Variants in ADAM12 observed in about 807,000 individuals in gnomAD.
The protein encoded by ADAM12 is disintegrin and metalloproteinase domain-containing protein 12.
Under a neutral mutation model 106.4 loss-of-function variants are expected in ADAM12, and 70 were observed. That is an observed-to-expected ratio of 0.66 (90% CI 0.54 to 0.80). The LOEUF is 0.80. Among genes scored for constraint, ADAM12 ranks in the 30% least tolerant of loss-of-function variants. The pLI is 0.00. For synonymous variants in ADAM12, 420 were observed against 433.5 expected, an observed-to-expected ratio of 0.97 and a Z score of 0.39; for missense variants, 1,010 against 1,171.9, an observed-to-expected ratio of 0.86 and a Z score of 2.02.
In ADAM12 at chr10:126,117,696, C is replaced by T. The variant is rs544049327; in HGVS notation, c.603+342G>A. Among the ~76,000 whole-genome samples, 7 of 135,406 alleles carry T rather than the reference C, an allele frequency of 5.2e-5. No homozygotes were observed. In the South Asian group the frequency reaches 1.6e-3, roughly 30 times the overall value. The allele number at this position is 135,406 out of a possible 152,430, so 88.8% of individuals were successfully genotyped here. On this transcript the variant is annotated intron_variant, in intron 6 of 22. Transcript: ENST00000448723. Reference sequence around the variant, plus strand: ...GTCATGGTGGCGCCCAACCCTGGGCCTAGGACCATAGTAGGGTCTCTTGGG... The same window carrying T: ...GTCATGGTGGCGCCCAACCCTGGGCTTAGGACCATAGTAGGGTCTCTTGGG...
chr10:126,072,443 T>C (rs1368520070), intron 11 of ADAM12, among the ~76,000 whole-genome samples: 2 of 152,146 alleles, frequency 1.3e-5, no homozygotes, highest in African/African-American at 4.8e-5. Flanking sequence ...TTTTGGCTGA[T>C]GGTATTTAAG....
chr10:126,074,810 T>A (rs577064834), intron 11 of ADAM12, among the ~76,000 whole-genome samples: 1 of 152,346 alleles, frequency 6.6e-6, no homozygotes, highest in African/African-American at 2.4e-5. Flanking sequence ...CCTCCTCAGA[T>A]GCGAAATGAG....
chr10:126,131,127 T>TA (rs1305734352), intron 5 of ADAM12, among the ~76,000 whole-genome samples: 1 of 73,702 alleles, frequency 1.4e-5, no homozygotes, highest in African/African-American at 5.5e-5. Context: ...TTTTTTTTTT[T>TA]TTTTTTGGCA....
chr10:126,091,464 C>T (rs1955463577), intron 11 of ADAM12, among the ~76,000 whole-genome samples: 1 of 152,200 alleles, frequency 6.6e-6, no homozygotes, highest in African/African-American at 2.4e-5. Flanking sequence ...AAAAACACCA[C>T]TCTCTGGACA....
intron 2 of ADAM12, among the ~76,000 whole-genome samples, chr10:126,326,103 A>T (rs970707600): frequency 1.3e-5 from 2 of 152,192 alleles, no homozygotes; most frequent in African/African-American, 4.8e-5. Context: ...ATTTTACCTA[A>T]ATCAGCCGAA....
At chr10:126,363,301 G>A (rs1855801130) in intron 1 of ADAM12, among the ~76,000 whole-genome samples, 1 of 152,138 alleles carries the variant, frequency 6.6e-6, no homozygotes, top group African/African-American at 2.4e-5. Context: ...AGATATTGGG[G>A]CCAGATAATT....
At chr10:126,041,863 ACC>A in intron 18 of ADAM12, 1 of 1,299,750 alleles carries the variant, frequency 7.7e-7, no homozygotes, top group Non-Finnish European at 9.8e-7. Context: ...CAGAGTGGTA[ACC>A]TGCTACTCTC....
At chr10:126,042,410 T>C (rs1466112408) in intron 18 of ADAM12, among the ~76,000 whole-genome samples, 3 of 152,142 alleles carry the variant, frequency 2.0e-5, no homozygotes, top group African/African-American at 7.2e-5. Flanking sequence ...GACCTGTGTG[T>C]GTGTAAATCT....
chr10:126,151,644 A>T (rs1758474483), intron 4 of ADAM12, among the ~76,000 whole-genome samples: 1 of 151,962 alleles, frequency 6.6e-6, no homozygotes, highest in Admixed American at 6.5e-5. Context: ...TTTTCTCAGG[A>T]ACTATTTGTT....
At chr10:126,204,073 G>T (rs369785273) in intron 3 of ADAM12, among the ~76,000 whole-genome samples, 1 of 152,176 alleles carries the variant, frequency 6.6e-6, no homozygotes, top group Non-Finnish European at 1.5e-5. Flanking sequence ...TGCCAGTGGC[G>T]AATGCTTTGG....
intron 3 of ADAM12, among the ~76,000 whole-genome samples, chr10:126,195,789 A>G (rs775079287): frequency 6.6e-6 from 1 of 152,168 alleles, no homozygotes; most frequent in Non-Finnish European, 1.5e-5. Flanking sequence ...TGACTACTCT[A>G]TTTATATGAT....
intron 2 of ADAM12, among the ~76,000 whole-genome samples, chr10:126,295,180 T>C (rs543740004): frequency 5.9e-5 from 9 of 152,154 alleles, no homozygotes; most frequent in South Asian, 4.2e-4. Context: ...CCCCAAAAAA[T>C]AGAATCACAT....
intron 3 of ADAM12, among the ~76,000 whole-genome samples, chr10:126,229,648 C>G (rs377473654): frequency 3.8e-5 from 5 of 132,872 alleles, no homozygotes; most frequent in Admixed American, 1.5e-4. Flanking sequence ...CTCTTCCCCC[C>G]CACTGTCTCC....
chr10:126,143,834 G>T (rs187719402), intron 4 of ADAM12, among the ~76,000 whole-genome samples: 1 of 152,166 alleles, frequency 6.6e-6, no homozygotes, highest in East Asian at 1.9e-4. Context: ...CTGCAGTCAG[G>T]TCCTTGTTCC....
chr10:126,388,137 C>A lies in ADAM12; in HGVS notation c.9G>T (p.Ala3=). ...GGGCGGGGGACACGGGCAGCGGGCG[C>A]GCTGCCATCGTCGCCGGCCTTCAGT... The part of the protein sequence containing the change: MA[A]RPLPVSPARA... The change falls in exon 1 of 23, where the codon GCG becomes GCT. Residue 3 remains alanine (A), a synonymous_variant. Transcript: ENST00000448723. The surrounding 1 kb of genome is among the most constrained non-coding windows in gnomAD (Gnocchi z 4.4). 5.8e-6 allele frequency: 7 copies of A among 1,214,764 alleles called. No individual in the cohort carries two copies. Among genetic ancestry groups the A allele is most frequent in the Non-Finnish European group, 7.2e-6 (7 of 976,908 alleles). The allele number at this position is 1,214,764 out of a possible 1,614,324, so 75.2% of individuals were successfully genotyped here.
chr10:126,117,943 C>T, intron 6 of ADAM12, 95 bp downstream of exon 6: 2 of 1,430,528 alleles, frequency 1.4e-6, no homozygotes, highest in Non-Finnish European at 1.9e-6. Context: ...GCCGCATCAT[C>T]TAGATGGCAA....
At chr10:126,251,271 C>T (rs566881317) in intron 3 of ADAM12, among the ~76,000 whole-genome samples, 1 of 152,364 alleles carries the variant, frequency 6.6e-6, no homozygotes, top group South Asian at 2.1e-4. Context: ...CATTTCCTCT[C>T]TGCTTAAGTC....
intron 1 of ADAM12, among the ~76,000 whole-genome samples, chr10:126,386,753 C>T (rs1856675405): frequency 6.6e-6 from 1 of 152,214 alleles, no homozygotes; most frequent in African/African-American, 2.4e-5. Context: ...CCATGTCAGG[C>T]ACACTTTGAG....
At chr10:126,209,396 G>T (rs1957858277) in intron 3 of ADAM12, among the ~76,000 whole-genome samples, 1 of 152,068 alleles carries the variant, frequency 6.6e-6, no homozygotes, top group South Asian at 2.1e-4. Context: ...TTCTTGTCTT[G>T]GCAGGAAAGA....
Sources: gnomAD v4.1 joint callset for allele counts (sites outside exome capture counted in the v4.1 genomes callset) on GRCh38, gnomAD v4.1.1 for gene constraint, Gnocchi (gnomAD v3.1) non-coding constraint, MANE v1.5 for transcripts, NCBI Gene and HGNC (gene_info 2026-07-23, HGNC 2026-07-21) for gene names.